The following UNC5C variants were observed in gnomAD, a reference collection of about 807,000 sequenced individuals.
UNC5C encodes the protein unc-5 netrin receptor C.
In UNC5C, 47 loss-of-function variants were observed where a neutral mutation model predicts 99.8. That is an observed-to-expected ratio of 0.47 (90% CI 0.37 to 0.60). UNC5C has a LOEUF of 0.60. UNC5C is among the 20% of genes least tolerant of loss of function. UNC5C has a pLI of 0.00. For missense variants in UNC5C, 1,062 were observed against 1,165.9 expected, an observed-to-expected ratio of 0.91 and a Z score of 1.30; for synonymous variants, 487 against 452.2, an observed-to-expected ratio of 1.08 and a Z score of -0.98.
intron 14 of UNC5C, among the ~76,000 whole-genome samples, chr4:95,175,311 G>A (rs561139281): frequency 0.014 from 2,069 of 151,762 alleles, 37 homozygotes; most frequent in African/African-American, 0.046. Flanking sequence ...TATTTTGCTC[G>A]TTAGTTGATG....
At chr4:95,198,336 G>GGA (rs565195867) in intron 12 of UNC5C, among the ~76,000 whole-genome samples, 1 of 152,126 alleles carries the variant, frequency 6.6e-6, no homozygotes, top group Non-Finnish European at 1.5e-5. Context: ...GCATCTTGTG[G>GGA]GAGAGAGAGA....
chr4:95,271,273 G>A (rs1740652741), intron 4 of UNC5C, among the ~76,000 whole-genome samples: 4 of 151,620 alleles, frequency 2.6e-5, no homozygotes, highest in African/African-American at 7.3e-5. Flanking sequence ...TGTCGCCCAG[G>A]CTGGAGTGCA....
chr4:95,464,784 G>C (rs967887914), intron 1 of UNC5C, among the ~76,000 whole-genome samples: 1 of 151,898 alleles, frequency 6.6e-6, no homozygotes, highest in Non-Finnish European at 1.5e-5. Flanking sequence ...TCAACCTGAG[G>C]GTGTATTCCC....
intron 1 of UNC5C, among the ~76,000 whole-genome samples, chr4:95,430,165 C>T (rs896865575): frequency 2.0e-5 from 3 of 151,844 alleles, no homozygotes; most frequent in Admixed American, 6.6e-5. Context: ...GGACTCTGGT[C>T]GATAATGATG....
intron 1 of UNC5C, among the ~76,000 whole-genome samples, chr4:95,488,855 C>G (rs369705863): frequency 6.6e-6 from 1 of 151,682 alleles, no homozygotes; most frequent in South Asian, 2.1e-4. Flanking sequence ...AGTAGCAGCT[C>G]ACTCTCACAC....
chr4:95,245,523 A>G (rs1739471303), intron 5 of UNC5C, among the ~76,000 whole-genome samples: 1 of 152,224 alleles, frequency 6.6e-6, no homozygotes, highest in Non-Finnish European at 1.5e-5. Flanking sequence ...CCTGCAAGTC[A>G]ATCTATAGCA....
At chr4:95,510,454 C>T (rs182782356) in intron 1 of UNC5C, among the ~76,000 whole-genome samples, 1,980 of 152,010 alleles carry the variant, frequency 0.013, 21 homozygotes, top group Non-Finnish European at 0.02. Flanking sequence ...TTATTCAAAA[C>T]TATTTTTTCA....
chr4:95,528,874 A>G (rs1295267167), intron 1 of UNC5C, among the ~76,000 whole-genome samples: 1 of 152,192 alleles, frequency 6.6e-6, no homozygotes, highest in Non-Finnish European at 1.5e-5. Context: ...AAACACTTCC[A>G]GTAGCCTCTG....
chr4:95,481,009 G>A (rs1721133308), intron 1 of UNC5C, among the ~76,000 whole-genome samples: 1 of 149,826 alleles, frequency 6.7e-6, no homozygotes, highest in African/African-American at 2.5e-5. Context: ...TTCTGGCCAG[G>A]GCAATTAGGC....
At chr4:95,212,589 T>C (rs1738109594) in intron 10 of UNC5C, among the ~76,000 whole-genome samples, 1 of 152,142 alleles carries the variant, frequency 6.6e-6, no homozygotes, top group Non-Finnish European at 1.5e-5. Context: ...TTAAAGTTCT[T>C]TCCCCAGTTC....
At chr4:95,530,915 A>T (rs1025573523) in intron 1 of UNC5C, among the ~76,000 whole-genome samples, 4 of 152,214 alleles carry the variant, frequency 2.6e-5, no homozygotes, top group Admixed American at 2.6e-4. Context: ...AAATTAATTT[A>T]AAAAAGGAAG....
intron 1 of UNC5C, among the ~76,000 whole-genome samples, chr4:95,374,064 C>G (rs1273488035): frequency 6.6e-6 from 1 of 152,076 alleles, no homozygotes; most frequent in Non-Finnish European, 1.5e-5. Context: ...AGCACGTACT[C>G]TGATGTTAAG....
In UNC5C at chr4:95,229,638, C is replaced by T. The variant is rs368773619; in HGVS notation, c.1109-9462G>A. ...AACGATTTATAATCCTTTGTGTATA[C>T]ACCCAGTAATGGGATTGTTGGGTCA... is the stretch of plus-strand genomic sequence containing the variant. On this transcript the variant is annotated intron_variant, in intron 7 of 15. Coordinates refer to ENST00000453304, the MANE Select transcript of UNC5C (RefSeq NM_003728.4). Among the ~76,000 whole-genome samples, 380 of 152,146 alleles carry T rather than the reference C, an allele frequency of 2.5e-3. 3 individuals carry two copies. Among genetic ancestry groups the T allele is most frequent in the African/African-American group, 8.5e-3 (353 of 41,508 alleles).
chr4:95,307,337 G>A (rs186552419), intron 2 of UNC5C, among the ~76,000 whole-genome samples: 3 of 152,198 alleles, frequency 2.0e-5, no homozygotes, highest in Admixed American at 2.0e-4. Flanking sequence ...ACTTGCTGGT[G>A]TATTAGCTTT....
intron 1 of UNC5C, among the ~76,000 whole-genome samples, chr4:95,382,152 T>C (rs1414352752): frequency 1.3e-5 from 2 of 151,650 alleles, no homozygotes; most frequent in Non-Finnish European, 2.9e-5. Flanking sequence ...TTCAGGAACA[T>C]ATTTAAGTTC....
At chr4:95,214,242 T>A (rs1279620364) in intron 10 of UNC5C, among the ~76,000 whole-genome samples, 1 of 152,238 alleles carries the variant, frequency 6.6e-6, no homozygotes, top group Non-Finnish European at 1.5e-5. Flanking sequence ...GAAACTGTTA[T>A]CCTCCTGTGT....
chr4:95,470,437 T>C (rs1747932543), intron 1 of UNC5C, among the ~76,000 whole-genome samples: 1 of 152,128 alleles, frequency 6.6e-6, no homozygotes. Flanking sequence ...CGACAGAGAA[T>C]GGACGGCACC....
chr4:95,172,552 A>C (rs1579195503), intron 14 of UNC5C, among the ~76,000 whole-genome samples: 1 of 151,892 alleles, frequency 6.6e-6, no homozygotes, highest in African/African-American at 2.4e-5. Context: ...ATAGTTGTAG[A>C]TATGCGGCGT....
At chr4:95,367,410 C>T (rs1744607696) in intron 1 of UNC5C, among the ~76,000 whole-genome samples, 1 of 152,052 alleles carries the variant, frequency 6.6e-6, no homozygotes, top group Non-Finnish European at 1.5e-5. Context: ...AACTCCTGGT[C>T]TCAAGTGATC....
Sources: allele counts gnomAD v4.1 joint callset (sites outside exome capture counted in the v4.1 genomes callset), GRCh38; gene constraint gnomAD v4.1.1; transcripts MANE v1.5; gene names NCBI Gene and HGNC (gene_info 2026-07-23, HGNC 2026-07-21).